The following NPR1 variants were observed in gnomAD, a reference collection of about 807,000 sequenced individuals.
The protein encoded by NPR1 is atrial natriuretic peptide receptor 1.
Under a neutral mutation model 116.9 loss-of-function variants are expected in NPR1, and 57 were observed. That is an observed-to-expected ratio of 0.49 (90% CI 0.39 to 0.61). NPR1 has a LOEUF of 0.61. NPR1 is among the 20% of genes least tolerant of loss of function. The pLI is 0.00. For synonymous variants in NPR1, 555 were observed against 601.6 expected (o/e 0.92, Z 1.13); for missense variants, 1,096 against 1,409.8 (o/e 0.78, Z 3.56).
chr1:153,687,072 C>A lies in NPR1; in HGVS notation c.1920C>A (p.Thr640=). Residue 640 remains threonine, a synonymous_variant, in exon 12 of 22, where the codon ACC becomes ACA. Transcript: ENST00000368680. The part of the protein sequence containing the change: ...TLDWMFRYSL[T]NDIVKGMLFL... ...ACTGGATGTTCCGGTACTCACTCAC[C>A]AATGACATCGTCAAGGTATGCCCCT... The A allele has an allele frequency of 6.2e-7, 1 of 1,614,134 alleles. No homozygotes were observed. The highest frequency in any genetic ancestry group is 8.5e-7 in the Non-Finnish European group (1 of 1,179,986).
chr1:153,686,301 AAGAAAGGGGC>A, intron 10 of NPR1, 101 bp downstream of exon 10: 1 of 1,143,660 alleles, frequency 8.7e-7, no homozygotes, highest in Non-Finnish European at 1.3e-6. Context: ...AGGGTACCCC[AAGAAAGGGGC>A]AGGGACTGGA....
At chr1:153,680,391 C>G (rs1221193270) in intron 1 of NPR1, 110 bp from the exon 2 acceptor site, 4 of 798,438 alleles carry the variant, frequency 5.0e-6, no homozygotes, top group Non-Finnish European at 7.9e-6. Context: ...CTCACTGGGT[C>G]TCTCCTGCAC....
chr1:153,680,130 C>T (rs941712226), intron 1 of NPR1, among the ~76,000 whole-genome samples: 45 of 151,160 alleles, frequency 3.0e-4, no homozygotes, highest in Non-Finnish European at 3.0e-4. Flanking sequence ...TCCCTATAGC[C>T]TTCTCCCTTC....
At chr1:153,686,412 AGG>A (rs1669929517) in intron 10 of NPR1, among the ~76,000 whole-genome samples, 1 of 148,850 alleles carries the variant, frequency 6.7e-6, no homozygotes, top group South Asian at 2.2e-4. Flanking sequence ...AGGAATCTTG[AGG>A]GGCCATATGT....
rs945263040 is a variant in NPR1 at position 153,693,183 on chromosome 1, G to A, written c.3109G>A (p.Asp1037Asn). 4 of 1,613,926 alleles carry A rather than the reference G, an allele frequency of 2.5e-6. No homozygotes were observed. The highest frequency in any genetic ancestry group is 2.7e-5 in the African/African-American group (2 of 74,930). ...TGGTTTCGAGCTGGAGCTTCGAGGG[G>A]ATGTAGAAATGAAGGTAGAGGGAGA... The part of the protein sequence containing the change: ...FGGFELELRG[D>N]VEMKGKGKVR... The change falls in exon 21 of 22, where the codon GAT (aspartate) becomes AAT (asparagine). Residue 1037 changes from aspartate (D) to asparagine (N), a missense_variant. Asp to Asn is a conservative substitution (Grantham distance 23). Coordinates refer to ENST00000368680, the MANE Select transcript of NPR1 (RefSeq NM_000906.4).
rs987968243 is a variant in NPR1, at chr1:153,679,655, C to T, written c.547C>T (p.Leu183Phe). The change falls in exon 1 of 22, where the codon CTC becomes TTC. Residue 183 changes from leucine (L) to phenylalanine (F), a missense_variant. By Grantham distance (22) the Leu-to-Phe change is conservative. Coordinates refer to ENST00000368680, the MANE Select transcript of NPR1 (RefSeq NM_000906.4). This position sits in a 1 kb window ranked among gnomAD's most constrained non-coding sequence, Gnocchi z 4.2. ...HRRLGWERQA[L>F]MLYAYRPGDE... ...ACGGCTGGGCTGGGAGCGCCAAGCG[C>T]TCATGCTCTACGCCTACCGGCCGGG... The T allele has an allele frequency of 1.9e-6, 3 of 1,605,284 alleles. No homozygotes were observed. The highest frequency in any genetic ancestry group is 2.5e-6 in the Non-Finnish European group (3 of 1,177,688).
intron 19 of NPR1, 62 bp downstream of exon 19, chr1:153,690,042 C>G: frequency 7.1e-7 from 1 of 1,405,712 alleles, no homozygotes; most frequent in Non-Finnish European, 9.5e-7. Context: ...GGAAACTTGT[C>G]CCCTGGCCCA....
At chr1:153,688,301 C>G (rs1205605142) in intron 15 of NPR1, 80 bp downstream of exon 15, 1 of 1,482,520 alleles carries the variant, frequency 6.7e-7, no homozygotes, top group Non-Finnish European at 9.2e-7. Flanking sequence ...TCTGGCTTAT[C>G]CCAGCAGTGG....
intron 2 of NPR1, 94 bp from the exon 3 acceptor site, chr1:153,681,086 A>G: frequency 1.3e-6 from 1 of 744,162 alleles, no homozygotes; most frequent in Non-Finnish European, 2.4e-6. Context: ...GCAGAGACGC[A>G]GCTCTGGGAG....
Position 153,689,704 on chromosome 1 carries a change from C to T in NPR1, c.2758-102C>T, listed in dbSNP as rs1315220047. Reference sequence around the variant, plus strand: ...ATGTGGGATGGGGGATGAGCAAAGACAGATGAGGGTACAGAATGACAGACG... The same window carrying T: ...ATGTGGGATGGGGGATGAGCAAAGATAGATGAGGGTACAGAATGACAGACG... On this transcript the variant is annotated intron_variant, in intron 18 of 21. Transcript: ENST00000368680. The surrounding 1 kb of genome is among the most constrained non-coding windows in gnomAD (Gnocchi z 5.1). The T allele has an allele frequency of 2.3e-6, 3 of 1,329,450 alleles. No individual in the cohort carries two copies. The highest frequency in any genetic ancestry group is 3.1e-6 in the Non-Finnish European group (3 of 971,878). 82.4% of individuals were successfully genotyped at this position (1,329,450 alleles called of 1,614,324 possible).
At chr1:153,692,375 C>T (rs1401737473) in intron 20 of NPR1, among the ~76,000 whole-genome samples, 1 of 151,864 alleles carries the variant, frequency 6.6e-6, no homozygotes, top group Non-Finnish European at 1.5e-5. Context: ...GGGTGACACT[C>T]CAGAGAGTGC....
rs545275520 is a variant in NPR1 at position 153,685,948 on chromosome 1, G to T, written c.1680+68G>T. 6.0e-5 allele frequency: 90 copies of T among 1,503,536 alleles called. No homozygotes were observed. The East Asian group carries it at 1.2e-3, about 19-fold the overall frequency. The allele number at this position is 1,503,536 out of a possible 1,614,324, so 93.1% of individuals were successfully genotyped here. A position where few individuals can be genotyped will look rare whatever the true frequency, so the allele number is the denominator to read the frequency against. On this transcript the variant is annotated intron_variant, in intron 9 of 21. Transcript: ENST00000368680. ...GAGTGTACTCTGATGGAGGACTGGT[G>T]GGGGGTTCTGAGGGAAGGAGTAAGC...
Position 153,679,768 on chromosome 1 carries a change from C to T in NPR1, c.660C>T (p.Phe220=). 1 of 1,570,320 alleles carries T rather than the reference C, an allele frequency of 6.4e-7. No individual in the cohort carries two copies. Among genetic ancestry groups the T allele is most frequent in the Non-Finnish European group, 8.6e-7 (1 of 1,162,248 alleles). Residue 220 remains phenylalanine (F), a synonymous_variant, in exon 1 of 22, where the codon TTC becomes TTT. Coordinates refer to ENST00000368680, the MANE Select transcript of NPR1 (RefSeq NM_000906.4). This position sits in a 1 kb window ranked among gnomAD's most constrained non-coding sequence, Gnocchi z 4.2. ...ATATTACGGTGGACCACCTGGAGTTCGCCGAGGACGACCTCAGCCACTACA... is the reference window on the plus strand; with the variant it reads ...ATATTACGGTGGACCACCTGGAGTTTGCCGAGGACGACCTCAGCCACTACA... ...RLNITVDHLE[F]AEDDLSHYTR...
Position 153,686,946 on chromosome 1 carries a change from G to T in NPR1, c.1864-70G>T, listed in dbSNP as rs867738871. ...CTGTTCTACCAGTTCACATCAGTAG[G>T]ACCCTGCACCCTCCTCCAACTCCCA... On this transcript the variant is annotated intron_variant, in intron 11 of 21. Coordinates refer to ENST00000368680, the MANE Select transcript of NPR1 (RefSeq NM_000906.4). 5.7e-5 allele frequency: 86 copies of T among 1,517,598 alleles called. No individual in the cohort carries two copies. The African/African-American group carries it at 1.0e-3, about 18-fold the overall frequency. 94.0% of individuals were successfully genotyped at this position (1,517,598 alleles called of 1,614,324 possible). A position where few individuals can be genotyped will look rare whatever the true frequency, so the allele number is the denominator to read the frequency against.
intron 9 of NPR1, 37 bp from the exon 10 acceptor site, chr1:153,686,086 A>G (rs1227232378): frequency 6.2e-7 from 1 of 1,601,490 alleles, no homozygotes; most frequent in Non-Finnish European, 8.5e-7. Flanking sequence ...ACATGGGACC[A>G]TGCTCTTCAC....
chr1:153,681,085 C>T, intron 2 of NPR1, 95 bp from the exon 3 acceptor site: 1 of 742,210 alleles, frequency 1.3e-6, no homozygotes, highest in Non-Finnish European at 2.4e-6. Context: ...AGCAGAGACG[C>T]AGCTCTGGGA....
At position 153,679,255 on chromosome 1, in the gene NPR1, C is replaced by T. The variant is rs754554540; in HGVS notation, c.147C>T (p.Pro49=). The change falls in exon 1 of 22, where the codon CCC becomes CCT. Residue 49 remains proline (P), a synonymous_variant. Coordinates refer to ENST00000368680, the MANE Select transcript of NPR1 (RefSeq NM_000906.4). This position sits in a 1 kb window ranked among gnomAD's most constrained non-coding sequence, Gnocchi z 4.2. ...TGCCGCTGGCCAATACCTCGTACCC[C>T]TGGTCGTGGGCGCGCGTGGGACCCG... ...VVLPLANTSY[P]WSWARVGPAV... is the part of the protein sequence containing the mutation. 1.9e-5 allele frequency: 29 copies of T among 1,528,626 alleles called. No homozygotes were observed. In the Admixed American group the frequency reaches 5.6e-4, roughly 29 times the overall value. 94.7% of individuals were successfully genotyped at this position (1,528,626 alleles called of 1,614,324 possible).
intron 7 of NPR1, 80 bp from the exon 8 acceptor site, chr1:153,684,884 G>T: frequency 6.3e-7 from 1 of 1,576,972 alleles, no homozygotes; most frequent in Non-Finnish European, 8.7e-7. Flanking sequence ...TGGTCCCACG[G>T]CTCTGAGGAG....
chr1:153,680,981 G>A (rs958772463), intron 2 of NPR1, 199 bp from the exon 3 acceptor site: 2 of 599,134 alleles, frequency 3.3e-6, no homozygotes, highest in African/African-American at 1.9e-5. Flanking sequence ...CCCACAGCCT[G>A]GACAGGACTT....
Sources: gnomAD v4.1 joint callset for allele counts (sites outside exome capture counted in the v4.1 genomes callset) on GRCh38, gnomAD v4.1.1 for gene constraint, Gnocchi (gnomAD v3.1) non-coding constraint, MANE v1.5 for transcripts, NCBI Gene and HGNC (gene_info 2026-07-23, HGNC 2026-07-21) for gene names.